RBPMS2: variants seen among roughly 807,000 people sequenced by gnomAD.
RBPMS2 encodes the protein RNA binding protein, mRNA processing factor 2, also known as RNA-binding protein with multiple splicing 2.
RBPMS2 carries 14 observed loss-of-function variants against 25.7 expected under a neutral mutation model. That is an observed-to-expected ratio of 0.55 (90% CI 0.36 to 0.85). The LOEUF (loss-of-function observed/expected upper bound fraction) is 0.85, where lower values mean the gene tolerates loss of function less well. Ranked by LOEUF, RBPMS2 falls within the 40% of genes least tolerant of loss-of-function variation. The probability of loss-of-function intolerance (pLI) is 0.01; values close to 1 mark genes in which losing one functional copy is unlikely to be tolerated. For synonymous variants in RBPMS2, 127 were observed against 115.6 expected, an observed-to-expected ratio of 1.10 and a Z score of -0.63; for missense variants, 252 against 283.4, an observed-to-expected ratio of 0.89 and a Z score of 0.80.
intron 1 of RBPMS2, among the ~76,000 whole-genome samples, chr15:64,765,741 C>G (rs532334689): frequency 6.6e-6 from 1 of 152,100 alleles, no homozygotes; most frequent in Non-Finnish European, 1.5e-5. Context: ...GTCAGGAGTT[C>G]GAGACCACCC....
intron 1 of RBPMS2, among the ~76,000 whole-genome samples, chr15:64,757,818 C>CA (rs67482015): frequency 3.6e-4 from 54 of 149,220 alleles, no homozygotes; most frequent in Middle Eastern, 6.9e-3. Flanking sequence ...TATCCCCCCC[C>CA]ACAAAAAATC....
intron 1 of RBPMS2, among the ~76,000 whole-genome samples, chr15:64,755,140 G>C (rs1446095126): frequency 1.3e-5 from 2 of 152,150 alleles, no homozygotes; most frequent in Non-Finnish European, 1.5e-5. Context: ...GGGGTAGGGT[G>C]GGGTGAGTGT....
intron 6 of RBPMS2, among the ~76,000 whole-genome samples, chr15:64,744,949 G>C (rs1165809346): frequency 6.6e-6 from 1 of 151,176 alleles, no homozygotes; most frequent in East Asian, 1.9e-4. Context: ...TGAGTAGCTG[G>C]GGTTACAGGT....
chr15:64,745,522 G>T (rs751868363), intron 6 of RBPMS2, among the ~76,000 whole-genome samples: 1 of 152,134 alleles, frequency 6.6e-6, no homozygotes, highest in Non-Finnish European at 1.5e-5. Flanking sequence ...TTAAGGGGGA[G>T]AAAAAAGCCA....
chr15:64,751,777 A>AAGG, intron 1 of RBPMS2, 139 bp from the exon 2 acceptor site: 1 of 631,662 alleles, frequency 1.6e-6, no homozygotes, highest in Non-Finnish European at 2.8e-6. Flanking sequence ...TTGGATACCC[A>AAGG]AGGCAAATTA....
At chr15:64,756,618 C>T (rs901844409) in intron 1 of RBPMS2, among the ~76,000 whole-genome samples, 4 of 151,014 alleles carry the variant, frequency 2.6e-5, no homozygotes, top group South Asian at 2.1e-4. Flanking sequence ...TTCCGAATCT[C>T]AGTTTCTTAT....
intron 5 of RBPMS2, 103 bp downstream of exon 5, chr15:64,748,897 G>A: frequency 2.2e-6 from 3 of 1,348,016 alleles, no homozygotes; most frequent in South Asian, 2.8e-5. Context: ...GGTGGCCGTG[G>A]ACACAAAAAG....
At chr15:64,741,679 G>A (rs1211684261) in intron 6 of RBPMS2, among the ~76,000 whole-genome samples, 2 of 152,218 alleles carry the variant, frequency 1.3e-5, no homozygotes, top group Non-Finnish European at 2.9e-5. Flanking sequence ...TTCTCATCTA[G>A]CTATAGGACA....
chr15:64,755,487 G>C (rs1358080605), intron 1 of RBPMS2, among the ~76,000 whole-genome samples: 1 of 152,060 alleles, frequency 6.6e-6, no homozygotes, highest in African/African-American at 2.4e-5. Flanking sequence ...TACAGACAGG[G>C]AGACTGAGAC....
At chr15:64,754,955 T>C (rs1230691013) in intron 1 of RBPMS2, among the ~76,000 whole-genome samples, 1 of 152,120 alleles carries the variant, frequency 6.6e-6, no homozygotes, top group African/African-American at 2.4e-5. Flanking sequence ...CAGGACATGA[T>C]TTGGGTCAAA....
At position 64,753,311 on chromosome 15, in the gene RBPMS2, C is replaced by T. The variant is rs530033592; in HGVS notation, c.88-1673G>A. Reference sequence around the variant, plus strand: ...AAGCATTAAGTTGCCCTACAGTGGGCCACATCCCCTTCTTGAGAGGTACCA... The same window carrying T: ...AAGCATTAAGTTGCCCTACAGTGGGTCACATCCCCTTCTTGAGAGGTACCA... On this transcript the variant is annotated intron_variant, in intron 1 of 7. Coordinates refer to ENST00000300069, the MANE Select transcript of RBPMS2 (RefSeq NM_194272.3). 2.0e-5 allele frequency among the ~76,000 whole-genome samples: 3 copies of T among 152,276 alleles called. No individual in the cohort carries two copies. The South Asian group carries it at 6.2e-4, about 32-fold the overall frequency.
intron 1 of RBPMS2, among the ~76,000 whole-genome samples, chr15:64,770,348 C>G (rs532235681): frequency 2.6e-5 from 4 of 152,180 alleles, no homozygotes; most frequent in Non-Finnish European, 5.9e-5. Context: ...GTTATTTAAC[C>G]TCTCTGTGCC....
At chr15:64,742,149 G>A (rs1303838198) in intron 6 of RBPMS2, among the ~76,000 whole-genome samples, 1 of 152,144 alleles carries the variant, frequency 6.6e-6, no homozygotes, top group Admixed American at 6.5e-5. Context: ...TGGGCAACAA[G>A]AACAAAACTC....
At chr15:64,764,443 C>G (rs775282549) in intron 1 of RBPMS2, among the ~76,000 whole-genome samples, 9 of 152,138 alleles carry the variant, frequency 5.9e-5, no homozygotes, top group Non-Finnish European at 1.3e-4. Flanking sequence ...TTGACGGAGG[C>G]GAATGAAACC....
chr15:64,748,464 G>C lies in RBPMS2; in HGVS notation c.522C>G (p.Phe174Leu). 9 of 1,614,152 alleles carry C rather than the reference G, an allele frequency of 5.6e-6. No homozygotes were observed. Among genetic ancestry groups the C allele is most frequent in the Non-Finnish European group, 7.6e-6 (9 of 1,180,012 alleles). Residue 174 changes from phenylalanine to leucine, a missense_variant, in exon 6 of 8, where the codon TTC becomes TTG. Coordinates refer to ENST00000300069, the MANE Select transcript of RBPMS2 (RefSeq NM_194272.3). Reference sequence around the variant, plus strand: ...CAGCGGCAGTGGCAGTTGGGTAGGTGAACGCAGCATGGGAGATGGCTGGGG... The same window carrying C: ...CAGCGGCAGTGGCAGTTGGGTAGGTCAACGCAGCATGGGAGATGGCTGGGG... ...ELTPAISHAA[F>L]TYPTATAAAA...
chr15:64,775,270 C>G lies in RBPMS2; in HGVS notation c.50G>C (p.Gly17Ala). 5 of 1,344,870 alleles carry G rather than the reference C, an allele frequency of 3.7e-6. No homozygotes were observed. Among genetic ancestry groups the G allele is most frequent in the African/African-American group, 1.5e-5 (1 of 65,842 alleles). 83.3% of individuals were successfully genotyped at this position (1,344,870 alleles called of 1,614,324 possible). A position where few individuals can be genotyped will look rare whatever the true frequency, so the allele number is the denominator to read the frequency against. The change falls in exon 1 of 8, where the codon GGC becomes GCC. Residue 17 changes from glycine to alanine, a missense_variant. By Grantham distance (60) the Gly-to-Ala change is moderately conservative. Transcript: ENST00000300069. ...GGCGCCGCCGGAGCCCGCGCCGGAG[C>G]CGGTGCCGGTGCTGCCGCCGTGCTC... ...DGEHGGSTGT[G>A]SGAGSGGALE...
chr15:64,771,425 G>A (rs2083892233), intron 1 of RBPMS2, among the ~76,000 whole-genome samples: 1 of 152,220 alleles, frequency 6.6e-6, no homozygotes, highest in Non-Finnish European at 1.5e-5. Context: ...GCTCACGTCT[G>A]TAATCTCAGC....
At chr15:64,748,843 G>C (rs973611313) in intron 5 of RBPMS2, among the ~76,000 whole-genome samples, 157 bp downstream of exon 5, 1 of 152,156 alleles carries the variant, frequency 6.6e-6, no homozygotes, top group African/African-American at 2.4e-5. Flanking sequence ...AGAAATTCTA[G>C]GCAGGCTGCA....
rs138803667 is a variant in RBPMS2, at chr15:64,759,003, C to T, written c.88-7365G>A. On this transcript the variant is annotated intron_variant, in intron 1 of 7. Transcript: ENST00000300069. ...ATGGGGCGTCACTCTGTGGCCTGGG[C>T]TGGTCTCGAACTCTTGGGCTCAAGT... Among the ~76,000 whole-genome samples the T allele has an allele frequency of 2.7e-3, 414 of 152,120 alleles. 3 individuals carry two copies. The highest frequency in any genetic ancestry group is 9.5e-3 in the African/African-American group (394 of 41,504).
Sources: gnomAD v4.1 joint callset for allele counts (sites outside exome capture counted in the v4.1 genomes callset) on GRCh38, gnomAD v4.1.1 for gene constraint, MANE v1.5 for transcripts, NCBI Gene and HGNC (gene_info 2026-07-23, HGNC 2026-07-21) for gene names.